Variants in CDH13 observed in about 807,000 individuals in gnomAD.
CDH13 encodes cadherin-13.
CDH13 carries 24 observed loss-of-function variants against 63.8 expected under a neutral mutation model. The ratio of observed to expected loss-of-function variants is 0.38; its 90% CI spans 0.27 to 0.53. The LOEUF is 0.53. CDH13 is among the 20% of genes least tolerant of loss of function. The pLI, the probability that CDH13 is intolerant of heterozygous loss-of-function variation, is 0.85. For synonymous variants in CDH13, 503 were observed against 355.3 expected, an observed-to-expected ratio of 1.42 and a Z score of -4.67; for missense variants, 1,049 against 903.1, an observed-to-expected ratio of 1.16 and a Z score of -2.07.
intron 2 of CDH13, among the ~76,000 whole-genome samples, chr16:83,011,963 T>C (rs958138709): frequency 6.6e-5 from 10 of 152,278 alleles, no homozygotes; most frequent in Non-Finnish European, 1.2e-4. Flanking sequence ...GCTGCCTTAT[T>C]CTCCTTTTAT....
At chr16:83,729,783 G>C (rs762611047) in intron 10 of CDH13, among the ~76,000 whole-genome samples, 27 of 152,216 alleles carry the variant, frequency 1.8e-4, no homozygotes, top group Non-Finnish European at 3.4e-4. Flanking sequence ...TCATCATCAT[G>C]ATCATAATTA....
At chr16:83,293,305 G>C (rs1008256185) in intron 5 of CDH13, among the ~76,000 whole-genome samples, 10 of 152,132 alleles carry the variant, frequency 6.6e-5, no homozygotes, top group African/African-American at 2.4e-4. Flanking sequence ...GTTAGAACCT[G>C]AAGAGTCACA....
chr16:83,372,805 C>T (rs1234217708), intron 6 of CDH13, among the ~76,000 whole-genome samples: 1 of 149,966 alleles, frequency 6.7e-6, no homozygotes, highest in East Asian at 2.0e-4. Context: ...CTCATCTCTG[C>T]ATCTCTGCTT....
chr16:83,731,568 T>C (rs1443070331), intron 10 of CDH13, among the ~76,000 whole-genome samples: 2 of 152,254 alleles, frequency 1.3e-5, no homozygotes, highest in African/African-American at 2.4e-5. Context: ...TAGACCTTTG[T>C]TGGAAGCATA....
At chr16:82,905,316 T>C (rs1346769267) in intron 2 of CDH13, among the ~76,000 whole-genome samples, 1 of 152,190 alleles carries the variant, frequency 6.6e-6, no homozygotes, top group Non-Finnish European at 1.5e-5. Context: ...TATAACAAGA[T>C]ATTTATGAGT....
intron 6 of CDH13, among the ~76,000 whole-genome samples, chr16:83,424,040 C>G (rs546661362): frequency 6.6e-6 from 1 of 152,136 alleles, no homozygotes; most frequent in Admixed American, 6.5e-5. Flanking sequence ...AGAGGGAAAT[C>G]CAACACGTAC....
At chr16:83,009,093 TG>T (rs1230336242) in intron 2 of CDH13, among the ~76,000 whole-genome samples, 1 of 151,960 alleles carries the variant, frequency 6.6e-6, no homozygotes, top group Non-Finnish European at 1.5e-5. Flanking sequence ...CTACCCCATG[TG>T]GGGATTATGG....
intron 2 of CDH13, among the ~76,000 whole-genome samples, chr16:82,942,399 A>C (rs1770502835): frequency 6.6e-6 from 1 of 152,196 alleles, no homozygotes; most frequent in African/African-American, 2.4e-5. Flanking sequence ...GGTAAATTTT[A>C]ATCATCTTCC....
chr16:83,418,119 G>C (rs1218787027), intron 6 of CDH13, among the ~76,000 whole-genome samples: 1 of 152,154 alleles, frequency 6.6e-6, no homozygotes, highest in African/African-American at 2.4e-5. Flanking sequence ...TTCAAATGCT[G>C]ATTTTGCTAT....
At chr16:83,103,965 A>G (rs1728583036) in intron 3 of CDH13, among the ~76,000 whole-genome samples, 1 of 152,218 alleles carries the variant, frequency 6.6e-6, no homozygotes, top group Admixed American at 6.5e-5. Flanking sequence ...TTCACAGAAT[A>G]GCTGGTATGC....
intron 6 of CDH13, among the ~76,000 whole-genome samples, chr16:83,368,053 C>T (rs968784722): frequency 6.6e-6 from 1 of 152,182 alleles, no homozygotes; most frequent in East Asian, 1.9e-4. Flanking sequence ...GAATTATTTT[C>T]TTAATTTCTT....
intron 3 of CDH13, among the ~76,000 whole-genome samples, chr16:83,093,136 T>C (rs1267179594): frequency 2.6e-5 from 4 of 152,144 alleles, no homozygotes; most frequent in Non-Finnish European, 5.9e-5. Flanking sequence ...TCTTTGCCTA[T>C]GTCTGCTAAA....
chr16:83,530,974 C>G (rs2075071620), intron 7 of CDH13, among the ~76,000 whole-genome samples: 1 of 152,174 alleles, frequency 6.6e-6, no homozygotes, highest in Admixed American at 6.5e-5. Flanking sequence ...CCTTTGATGT[C>G]TCCACTCCTC....
intron 2 of CDH13, among the ~76,000 whole-genome samples, chr16:82,986,680 A>C (rs1910980653): frequency 6.6e-6 from 1 of 152,164 alleles, no homozygotes; most frequent in Non-Finnish European, 1.5e-5. Context: ...CCACACAAAC[A>C]TATCTCAAGC....
chr16:82,855,939 A>G (rs556763564), intron 1 of CDH13, among the ~76,000 whole-genome samples: 1 of 152,248 alleles, frequency 6.6e-6, no homozygotes, highest in Admixed American at 6.5e-5. Context: ...TCTGGTGGGG[A>G]TGATAATGAA....
chr16:83,746,313 T>C (rs1238843299), intron 10 of CDH13, among the ~76,000 whole-genome samples: 4 of 152,140 alleles, frequency 2.6e-5, no homozygotes, highest in Admixed American at 1.3e-4. Flanking sequence ...ATCACTCCAA[T>C]CTCTGCCTCC....
chr16:82,846,623 A>G (rs2039267488), intron 1 of CDH13, among the ~76,000 whole-genome samples: 2 of 152,204 alleles, frequency 1.3e-5, no homozygotes, highest in Non-Finnish European at 2.9e-5. Flanking sequence ...CTTTACTCTG[A>G]GCTACTTTTT....
intron 1 of CDH13, among the ~76,000 whole-genome samples, chr16:82,631,486 C>A (rs1255145688): frequency 6.6e-6 from 1 of 152,204 alleles, no homozygotes; most frequent in Non-Finnish European, 1.5e-5. Context: ...AGAATCAAAC[C>A]AAGTGACCAG....
intron 4 of CDH13, among the ~76,000 whole-genome samples, chr16:83,163,779 A>G (rs893439314): frequency 1.3e-5 from 2 of 152,120 alleles, no homozygotes; most frequent in African/African-American, 4.8e-5. Flanking sequence ...CTGAATTCAC[A>G]GCATGAGCAA....
Sources: allele counts gnomAD v4.1 joint callset (sites outside exome capture counted in the v4.1 genomes callset), GRCh38; gene constraint gnomAD v4.1.1; transcripts MANE v1.5; gene names NCBI Gene and HGNC (gene_info 2026-07-23, HGNC 2026-07-21).